The following HECW2 variants were observed in gnomAD, a reference collection of about 807,000 sequenced individuals.
The protein encoded by HECW2 is HECT, C2 and WW domain containing E3 ubiquitin protein ligase 2.
A neutral mutation model predicts 175.2 loss-of-function variants in HECW2; 61 were observed. The ratio of observed to expected loss-of-function variants is 0.35; its 90% confidence interval spans 0.28 to 0.43. The LOEUF (loss-of-function observed/expected upper bound fraction) is 0.43, where lower values mean the gene tolerates loss of function less well. HECW2 is among the 20% of genes least tolerant of loss of function. The pLI is 1.00. For synonymous variants in HECW2, 671 were observed against 731.0 expected, an observed-to-expected ratio of 0.92 and a Z score of 1.32; for missense variants, 1,524 against 2,000.5, an observed-to-expected ratio of 0.76 and a Z score of 4.54.
intron 1 of HECW2, among the ~76,000 whole-genome samples, chr2:196,451,486 C>T (rs1171821056): frequency 6.6e-6 from 1 of 151,464 alleles, no homozygotes; most frequent in South Asian, 2.1e-4. Context: ...ACCCAGAACT[C>T]ATGCTTTTCT....
chr2:196,371,944 A>G (rs1693920887), intron 2 of HECW2, among the ~76,000 whole-genome samples: 1 of 152,264 alleles, frequency 6.6e-6, no homozygotes, highest in South Asian at 2.1e-4. Flanking sequence ...TTTTAGTAAC[A>G]TTTCTTAAAA....
intron 1 of HECW2, among the ~76,000 whole-genome samples, chr2:196,513,599 GA>G (rs1361335168): frequency 6.6e-6 from 1 of 152,004 alleles, no homozygotes; most frequent in Non-Finnish European, 1.5e-5. Flanking sequence ...TTGTTGGTGA[GA>G]AAAAAATCTC....
chr2:196,408,937 A>G (rs1453632642), intron 2 of HECW2, among the ~76,000 whole-genome samples: 1 of 152,204 alleles, frequency 6.6e-6, no homozygotes, highest in East Asian at 1.9e-4. Context: ...TATGCTACCA[A>G]CAATGCCAAA....
chr2:196,343,904 C>T, intron 2 of HECW2, 140 bp from the exon 3 acceptor site: 2 of 603,678 alleles, frequency 3.3e-6, no homozygotes, highest in East Asian at 2.9e-5. Context: ...GACTACCTCC[C>T]AGCAGAGTAT....
At chr2:196,261,799 C>A (rs1193937846) in intron 17 of HECW2, among the ~76,000 whole-genome samples, 1 of 152,086 alleles carries the variant, frequency 6.6e-6, no homozygotes, top group Admixed American at 6.5e-5. Context: ...TATATTTGTA[C>A]ACATTTAAGT....
chr2:196,538,862 C>T (rs935517360), intron 1 of HECW2, among the ~76,000 whole-genome samples: 4 of 152,094 alleles, frequency 2.6e-5, no homozygotes, highest in African/African-American at 9.7e-5. Context: ...AGGAACCAGC[C>T]GCCTCCTCTC....
intron 24 of HECW2, 136 bp downstream of exon 24, chr2:196,222,073 CTG>C (rs1371171853): frequency 4.5e-5 from 29 of 644,004 alleles, no homozygotes; most frequent in Non-Finnish European, 5.8e-5. Context: ...GTTATTATAA[CTG>C]TGTGTGATCC....
At chr2:196,522,712 C>T (rs1688453092) in intron 1 of HECW2, among the ~76,000 whole-genome samples, 2 of 149,736 alleles carry the variant, frequency 1.3e-5, no homozygotes, top group Admixed American at 6.6e-5. Flanking sequence ...GCCAGTTTTC[C>T]CAGCACCATT....
intron 16 of HECW2, among the ~76,000 whole-genome samples, chr2:196,272,221 C>T (rs765226700): frequency 6.6e-6 from 1 of 152,184 alleles, no homozygotes; most frequent in Non-Finnish European, 1.5e-5. Context: ...CCACAAATAG[C>T]TCTTTACCAA....
chr2:196,441,125 C>A (rs1696027923), intron 1 of HECW2, among the ~76,000 whole-genome samples: 1 of 152,076 alleles, frequency 6.6e-6, no homozygotes, highest in South Asian at 2.1e-4. Context: ...TAGCAGATGA[C>A]AAATACATTA....
At chr2:196,286,402 T>TATATATATATATATATA (rs1391832927) in intron 14 of HECW2, among the ~76,000 whole-genome samples, 16 of 117,006 alleles carry the variant, frequency 1.4e-4, no homozygotes, top group South Asian at 7.8e-4. Context: ...ATATATATAT[T>TATATATATATATATATA]TAAATCCATG....
intron 28 of HECW2, among the ~76,000 whole-genome samples, chr2:196,206,811 C>A (rs1291893728): frequency 1.3e-5 from 2 of 152,190 alleles, no homozygotes; most frequent in African/African-American, 2.4e-5. Flanking sequence ...GGCTGCATTT[C>A]TCCAAAAGGC....
intron 2 of HECW2, among the ~76,000 whole-genome samples, chr2:196,404,109 T>C (rs766083585): frequency 6.6e-5 from 10 of 152,208 alleles, no homozygotes; most frequent in Non-Finnish European, 1.2e-4. Context: ...AAAAGTCTTC[T>C]GTTTGAATCC....
intron 24 of HECW2, 48 bp downstream of exon 24, chr2:196,222,163 T>C: frequency 6.4e-7 from 1 of 1,574,322 alleles, no homozygotes; most frequent in Non-Finnish European, 8.7e-7. Context: ...CACTCATCAA[T>C]AGCCTTCAGT....
At chr2:196,275,394 A>C (rs1689905146) in intron 15 of HECW2, among the ~76,000 whole-genome samples, 1 of 152,202 alleles carries the variant, frequency 6.6e-6, no homozygotes, top group African/African-American at 2.4e-5. Context: ...TTTACAAAGC[A>C]TTTTTCGTTC....
chr2:196,400,265 A>T (rs1694782015), intron 2 of HECW2, among the ~76,000 whole-genome samples: 2 of 152,226 alleles, frequency 1.3e-5, no homozygotes, highest in South Asian at 4.1e-4. Context: ...ATAACTGCCA[A>T]CATTGCAAAG....
At chr2:196,305,946 G>A (rs879261336) in intron 13 of HECW2, among the ~76,000 whole-genome samples, 1 of 151,904 alleles carries the variant, frequency 6.6e-6, no homozygotes, top group Non-Finnish European at 1.5e-5. Context: ...TCGGAGACTC[G>A]TGGAATAATC....
intron 1 of HECW2, chr2:196,592,689 G>A (rs887220068): frequency 2.6e-5 from 4 of 152,322 alleles, no homozygotes; most frequent in African/African-American, 9.6e-5. Context: ...AATGGCAAAT[G>A]AATGACCGCG....
intron 24 of HECW2, among the ~76,000 whole-genome samples, chr2:196,221,991 A>G (rs1002901608): frequency 5.9e-5 from 9 of 152,222 alleles, no homozygotes; most frequent in Admixed American, 4.6e-4. Context: ...TACAACATAA[A>G]CAGTTATCAC....
Sources: gnomAD v4.1 joint callset for allele counts (sites outside exome capture counted in the v4.1 genomes callset) on GRCh38, gnomAD v4.1.1 for gene constraint, MANE v1.5 for transcripts, NCBI Gene and HGNC (gene_info 2026-07-23, HGNC 2026-07-21) for gene names.